KSR2: variants seen among roughly 807,000 people sequenced by gnomAD.
The protein encoded by KSR2 is kinase suppressor of ras 2.
Under a neutral mutation model 107.8 loss-of-function variants are expected in KSR2, and 25 were observed. The observed-to-expected ratio is 0.23, with a 90% CI of 0.17 to 0.32. The LOEUF is 0.32. KSR2 is among the 10% of genes least tolerant of loss of function. The probability of loss-of-function intolerance (pLI) is 1.00; values close to 1 mark genes in which losing one functional copy is unlikely to be tolerated. For missense variants in KSR2, 887 were observed against 1,268.9 expected, an observed-to-expected ratio of 0.70 and a Z score of 4.57; for synonymous variants, 480 against 507.0, an observed-to-expected ratio of 0.95 and a Z score of 0.71.
chr12:117,761,639 G>A (rs1046781593), intron 3 of KSR2, 115 bp from the exon 4 acceptor site: 4 of 976,482 alleles, frequency 4.1e-6, no homozygotes, highest in African/African-American at 3.3e-5. Context: ...ATTACATCAT[G>A]TGCATGTTAC....
At chr12:117,864,391 T>C (rs150113459) in intron 1 of KSR2, among the ~76,000 whole-genome samples, 1,528 of 152,254 alleles carry the variant, frequency 0.01, 19 homozygotes, top group South Asian at 0.015. Context: ...CATATAGATA[T>C]AAAAATAAAT....
Position 117,785,376 on chromosome 12 carries a change from C to A in KSR2, c.473-23852G>T, listed in dbSNP as rs192677561. Among the ~76,000 whole-genome samples the A allele has an allele frequency of 3.0e-4, 37 of 124,238 alleles. No homozygotes were observed. The Admixed American group carries it at 3.1e-3, about 10-fold the overall frequency. The allele number at this position is 124,238 out of a possible 152,430, so 81.5% of individuals were successfully genotyped here. A position where few individuals can be genotyped will look rare whatever the true frequency, so the allele number is the denominator to read the frequency against. ...GTTGCAGTGAGCCAAGATCCTGCCA[C>A]TGCGCTACAGCCTGGGCAACAGAGT... On this transcript the variant is annotated intron_variant, in intron 3 of 19. Coordinates refer to ENST00000339824, the MANE Select transcript of KSR2 (RefSeq NM_173598.6).
intron 6 of KSR2, among the ~76,000 whole-genome samples, chr12:117,580,676 T>A (rs1879596324): frequency 6.6e-6 from 1 of 152,228 alleles, no homozygotes; most frequent in African/African-American, 2.4e-5. Context: ...TCATCCCAAG[T>A]CTCAGCTCCT....
chr12:117,790,587 G>C (rs1451678508), intron 3 of KSR2, among the ~76,000 whole-genome samples: 1 of 152,198 alleles, frequency 6.6e-6, no homozygotes, highest in Non-Finnish European at 1.5e-5. Context: ...ACTGTTTTAG[G>C]GGAAAGATCT....
chr12:117,483,010 G>C (rs1332824188), intron 16 of KSR2, among the ~76,000 whole-genome samples: 1 of 152,240 alleles, frequency 6.6e-6, no homozygotes, highest in African/African-American at 2.4e-5. Context: ...AGTGAACCAG[G>C]AACTTAACTG....
intron 1 of KSR2, among the ~76,000 whole-genome samples, chr12:117,896,050 T>A (rs1894500225): frequency 6.6e-6 from 1 of 152,188 alleles, no homozygotes; most frequent in Non-Finnish European, 1.5e-5. Context: ...AGAGTGAAAC[T>A]CTGTGTAAAA....
At chr12:117,519,811 C>T (rs1874628916) in intron 14 of KSR2, among the ~76,000 whole-genome samples, 1 of 151,670 alleles carries the variant, frequency 6.6e-6, no homozygotes. Context: ...TGTGTGTGTG[C>T]ATGGTTGTGC....
chr12:117,594,223 C>G (rs142196628), intron 5 of KSR2, among the ~76,000 whole-genome samples: 25 of 152,276 alleles, frequency 1.6e-4, no homozygotes, highest in Admixed American at 8.5e-4. Context: ...CCTACAGAAC[C>G]ATTCTGTGGA....
At chr12:117,728,412 C>T (rs1349572756) in intron 4 of KSR2, among the ~76,000 whole-genome samples, 2 of 152,194 alleles carry the variant, frequency 1.3e-5, no homozygotes, top group Middle Eastern at 3.2e-3. Context: ...AATTCTTCAC[C>T]GGAGTCCAAG....
chr12:117,458,293 T>C lies in KSR2; in HGVS notation c.*8906A>G, dbSNP rs1040958522. 2 of 152,218 alleles carry C rather than the reference T, an allele frequency of 1.3e-5. No homozygotes were observed. The highest frequency in any genetic ancestry group is 4.8e-5 in the African/African-American group (2 of 41,456). The allele number at this position is 152,218 out of a possible 1,614,324, so 9.4% of individuals were successfully genotyped here. On this transcript the variant is annotated 3_prime_UTR_variant, in exon 20 of 20. Coordinates refer to ENST00000339824, the MANE Select transcript of KSR2 (RefSeq NM_173598.6). Reference sequence around the variant, plus strand: ...ACCACTCAGAAAAGGCCTCTGGTTATTGTTGGCCTGTATTTATTTCCTCCT... The same window carrying C: ...ACCACTCAGAAAAGGCCTCTGGTTACTGTTGGCCTGTATTTATTTCCTCCT...
rs770565486 is a variant in KSR2 at position 117,539,799 on chromosome 12, A to AG, written c.1606dup (p.Leu536ProfsTer4). On this transcript the variant is annotated frameshift_variant, in exon 10 of 20. Coordinates refer to ENST00000339824, the MANE Select transcript of KSR2 (RefSeq NM_173598.6). LOFTEE classifies it high-confidence loss of function. ...AGAAGGCGGCGTGGCACTAGGAGGG[A>AG]GGGGGGGTGCTGGCGAGGAGGGCGT... 1.9e-6 allele frequency: 3 copies of AG among 1,606,134 alleles called. No individual in the cohort carries two copies. Among genetic ancestry groups the AG allele is most frequent in the Non-Finnish European group, 2.5e-6 (3 of 1,177,280 alleles).
intron 5 of KSR2, among the ~76,000 whole-genome samples, chr12:117,605,694 T>C (rs1262138331): frequency 1.3e-5 from 2 of 152,136 alleles, no homozygotes; most frequent in Non-Finnish European, 2.9e-5. Context: ...TGCAGCACTA[T>C]TCACAATAGC....
At chr12:117,824,843 C>T (rs1196955385) in intron 3 of KSR2, among the ~76,000 whole-genome samples, 38 of 125,384 alleles carry the variant, frequency 3.0e-4, no homozygotes, top group Middle Eastern at 5.9e-3. Context: ...GGCGACAGAG[C>T]GAGACTCTAT....
chr12:117,627,348 C>T (rs1448040528), intron 5 of KSR2, among the ~76,000 whole-genome samples: 2 of 152,166 alleles, frequency 1.3e-5, no homozygotes, highest in Non-Finnish European at 2.9e-5. Flanking sequence ...CCAGTTACTT[C>T]TTTCCATGTT....
chr12:117,615,231 AC>A (rs1881808788), intron 5 of KSR2, among the ~76,000 whole-genome samples: 5 of 59,180 alleles, frequency 8.4e-5, no homozygotes, highest in Non-Finnish European at 3.5e-5. Context: ...ACACACACAC[AC>A]ACACACACAC....
chr12:117,873,272 G>A (rs1038554836), intron 1 of KSR2, among the ~76,000 whole-genome samples: 42 of 151,276 alleles, frequency 2.8e-4, no homozygotes, highest in African/African-American at 1.0e-3. Context: ...TTGAACCCGG[G>A]AGGCGGAGGT....
At chr12:117,646,170 A>G (rs1883629667) in intron 5 of KSR2, among the ~76,000 whole-genome samples, 2 of 152,230 alleles carry the variant, frequency 1.3e-5, no homozygotes, top group African/African-American at 2.4e-5. Context: ...TGTTCAGTAC[A>G]GACATAATTA....
At chr12:117,588,023 A>G (rs975489110) in intron 5 of KSR2, among the ~76,000 whole-genome samples, 6 of 152,074 alleles carry the variant, frequency 3.9e-5, no homozygotes, top group African/African-American at 1.4e-4. Flanking sequence ...TTCCTTCCCA[A>G]GGTCATTCTC....
At chr12:117,488,158 T>C (rs1210064825) in intron 14 of KSR2, among the ~76,000 whole-genome samples, 1 of 152,146 alleles carries the variant, frequency 6.6e-6, no homozygotes, top group Non-Finnish European at 1.5e-5. Flanking sequence ...TTGCCTCCCA[T>C]CATAATTGTG....
Sources: allele counts gnomAD v4.1 joint callset (sites outside exome capture counted in the v4.1 genomes callset), GRCh38; gene constraint gnomAD v4.1.1; transcripts MANE v1.5; gene names NCBI Gene and HGNC (gene_info 2026-07-23, HGNC 2026-07-21).